Variants in HPS1 observed in about 807,000 individuals in gnomAD.
HPS1 encodes the protein HPS1 biogenesis of lysosomal organelles complex 3 subunit 1, also known as BLOC-3 complex member HPS1.
Under a neutral mutation model 90.6 loss-of-function variants are expected in HPS1, and 59 were observed. The ratio of observed to expected loss-of-function variants is 0.65; its 90% CI spans 0.53 to 0.81. HPS1 has a LOEUF of 0.81. HPS1 is among the 30% of genes least tolerant of loss of function. HPS1 has a pLI of 0.00. For missense variants in HPS1, 849 were observed against 896.7 expected (o/e 0.95, Z 0.68); for synonymous variants, 388 against 384.4 (o/e 1.01, Z -0.11).
chr10:98,439,859 T>G (rs542884595), intron 3 of HPS1, among the ~76,000 whole-genome samples: 47 of 152,324 alleles, frequency 3.1e-4, no homozygotes, highest in Non-Finnish European at 5.7e-4. Context: ...AATCCTCATA[T>G]GTCAACGGAG....
intron 16 of HPS1, among the ~76,000 whole-genome samples, chr10:98,423,250 G>A (rs948194215): frequency 2.0e-5 from 3 of 150,900 alleles, no homozygotes; most frequent in East Asian, 2.0e-4. Flanking sequence ...GAAGGACAAC[G>A]GCCCTTTCAA....
rs757168241 is a variant in HPS1 at position 98,429,819 on chromosome 10, C to T, written c.839G>A (p.Gly280Asp). ...VQQAWSPHST[G>D]PTGGSSAETE... ...CTCTGCAGAGCTCCCCCCAGTTGGG[C>T]CCGTGGAGTGAGGGCTCCAGGCCTG... The change falls in exon 9 of 20, where the codon GGC becomes GAC. Residue 280 changes from glycine to aspartate, a missense_variant. Coordinates refer to ENST00000361490, the MANE Select transcript of HPS1 (RefSeq NM_000195.5). 6.2e-7 allele frequency: 1 copy of T among 1,613,652 alleles called. No homozygotes were observed. Among genetic ancestry groups the T allele is most frequent in the African/African-American group, 1.3e-5 (1 of 74,950 alleles).
chr10:98,422,935 G>T (rs1015324790), intron 16 of HPS1, among the ~76,000 whole-genome samples: 1 of 152,214 alleles, frequency 6.6e-6, no homozygotes, highest in Non-Finnish European at 1.5e-5. Context: ...AGTTTGGAAG[G>T]CTCCCATTTG....
chr10:98,417,626 C>A lies in HPS1; in HGVS notation c.2041G>T (p.Val681Leu). ...CGGGCCAGCTGGCCGGCCTGCTGCACCAGCAGGTCAGTGGGGATGACAGAC... is the reference window on the plus strand; with the variant it reads ...CGGGCCAGCTGGCCGGCCTGCTGCAACAGCAGGTCAGTGGGGATGACAGAC... ...HLSVIPTDLL[V>L]QQAGQLARRL... Residue 681 changes from valine (V) to leucine (L), a missense_variant, in exon 20 of 20, where the codon GTG (valine) becomes TTG (leucine). Val to Leu is a conservative substitution (Grantham distance 32). Coordinates refer to ENST00000361490, the MANE Select transcript of HPS1 (RefSeq NM_000195.5). The surrounding 1 kb of genome is among the most constrained non-coding windows in gnomAD (Gnocchi z 4.2). 1.2e-6 allele frequency: 2 copies of A among 1,613,310 alleles called. No homozygotes were observed. Among genetic ancestry groups the A allele is most frequent in the South Asian group, 2.2e-5 (2 of 91,064 alleles).
chr10:98,423,249 C>G (rs554674051), intron 16 of HPS1, among the ~76,000 whole-genome samples: 24 of 151,776 alleles, frequency 1.6e-4, no homozygotes, highest in Admixed American at 1.3e-3. Context: ...AGAAGGACAA[C>G]GGCCCTTTCA....
downstream of HPS1, chr10:98,414,929 C>G: frequency 5.2e-6 from 8 of 1,533,756 alleles, no homozygotes; most frequent in East Asian, 2.3e-5. Context: ...GCTTGGCTCC[C>G]CCTCCCCCTC....
At position 98,422,404 on chromosome 10, in the gene HPS1, C is replaced by T; in HGVS notation, c.1708G>A (p.Gly570Ser). The change falls in exon 17 of 20, where the codon GGC becomes AGC. Residue 570 changes from glycine to serine, a missense_variant. Gly to Ser is a moderately conservative substitution (Grantham distance 56, BLOSUM62 0). Transcript: ENST00000361490. ...ACAAAGGCAGCCAGCGGCCCCTTGC[C>T]CAACTCCGACGAGGTCTTTTGACTG... ...NCSQKTSSEL[G>S]KGPLAAFVKT... The T allele has an allele frequency of 2.5e-6, 4 of 1,614,206 alleles. No homozygotes were observed. The highest frequency in any genetic ancestry group is 2.5e-6 in the Non-Finnish European group (3 of 1,180,040).
intron 8 of HPS1, 24 bp downstream of exon 8, chr10:98,430,547 C>T: frequency 6.5e-7 from 1 of 1,542,878 alleles, no homozygotes; most frequent in Admixed American, 2.0e-5. Flanking sequence ...TGGCCTCCCT[C>T]TGCCCAGAAA....
Position 98,427,372 on chromosome 10 carries a change from G to C in HPS1, c.938-108C>G, listed in dbSNP as rs1845753902. 5.5e-6 allele frequency: 5 copies of C among 909,426 alleles called. No homozygotes were observed. The Admixed American group carries it at 1.0e-4, about 19-fold the overall frequency. 56.3% of individuals were successfully genotyped at this position (909,426 alleles called of 1,614,324 possible). A position where few individuals can be genotyped will look rare whatever the true frequency, so the allele number is the denominator to read the frequency against. ...GGTGCCCCCCACAACCTCAGCCCTTGGCTGCCAGCTCCACGCAGGGGTGCT... is the reference window on the plus strand; with the variant it reads ...GGTGCCCCCCACAACCTCAGCCCTTCGCTGCCAGCTCCACGCAGGGGTGCT... On this transcript the variant is annotated intron_variant, in intron 10 of 19. Coordinates refer to ENST00000361490, the MANE Select transcript of HPS1 (RefSeq NM_000195.5).
At chr10:98,429,528 C>T (rs768431126) in intron 10 of HPS1, 45 bp downstream of exon 10, 3 of 1,614,018 alleles carry the variant, frequency 1.9e-6, no homozygotes, top group Non-Finnish European at 2.5e-6. Flanking sequence ...CTGCCTGTCG[C>T]TCGCAGCTAG....
intron 5 of HPS1, among the ~76,000 whole-genome samples, chr10:98,434,927 G>C (rs200878613): frequency 6.6e-6 from 1 of 152,126 alleles, no homozygotes; most frequent in African/African-American, 2.4e-5. Context: ...AAGCCAGAGA[G>C]GACTAGCTCA....
Position 98,417,332 on chromosome 10 carries a change from A to G in HPS1, c.*232T>C. 5 of 486,946 alleles carry G rather than the reference A, an allele frequency of 1.0e-5. No individual in the cohort carries two copies. The South Asian group carries it at 1.3e-4, about 13-fold the overall frequency. 30.2% of individuals were successfully genotyped at this position (486,946 alleles called of 1,614,324 possible). ...GAGCTGTTGCCACCGTTGTTTTACA[A>G]ACAGGACCCCTGGGCTTCCCTCTTC... On this transcript the variant is annotated 3_prime_UTR_variant, in exon 20 of 20. Coordinates refer to ENST00000361490, the MANE Select transcript of HPS1 (RefSeq NM_000195.5). This position sits in a 1 kb window ranked among gnomAD's most constrained non-coding sequence, Gnocchi z 4.2.
chr10:98,433,766 A>C (rs2136236085), intron 6 of HPS1, among the ~76,000 whole-genome samples: 1 of 152,362 alleles, frequency 6.6e-6, no homozygotes, highest in Non-Finnish European at 1.5e-5. Flanking sequence ...TTGCATTAAA[A>C]GTATGTGTTA....
At position 98,425,863 on chromosome 10, in the gene HPS1, G is replaced by A. The variant is rs1395689468; in HGVS notation, c.1110C>T (p.Tyr370=). The A allele has an allele frequency of 3.1e-6, 5 of 1,614,018 alleles. No individual in the cohort carries two copies. The highest frequency in any genetic ancestry group is 4.2e-6 in the Non-Finnish European group (5 of 1,180,016). Residue 370 remains tyrosine, a synonymous_variant, in exon 12 of 20, where the codon TAC becomes TAT. Transcript: ENST00000361490. ...SYCPLVPHTM[Y]CLPLWQGINL... is the part of the protein sequence containing the mutation. ...TGATGCCCTGCCACAGGGGCAGGCA[G>A]TACATGGTGTGGGGCACTAGGGGGC...
At chr10:98,428,724 A>G (rs550595945) in intron 10 of HPS1, among the ~76,000 whole-genome samples, 1 of 148,362 alleles carries the variant, frequency 6.7e-6, no homozygotes, top group East Asian at 2.0e-4. Context: ...TTACCTAAGA[A>G]CTTCAGAAAT....
chr10:98,429,541 A>G (rs766439953), intron 10 of HPS1, 32 bp downstream of exon 10: 4 of 1,613,910 alleles, frequency 2.5e-6, no homozygotes, highest in Admixed American at 3.3e-5. Context: ...GCAGCTAGCT[A>G]TTGTTTCCTC....
chr10:98,437,405 G>A (rs1419006286), intron 3 of HPS1, among the ~76,000 whole-genome samples: 1 of 152,186 alleles, frequency 6.6e-6, no homozygotes, highest in Non-Finnish European at 1.5e-5. Context: ...GAAACTCATC[G>A]TAAAAGCAGT....
At chr10:98,437,823 C>T (rs1416632338) in intron 3 of HPS1, among the ~76,000 whole-genome samples, 1 of 152,164 alleles carries the variant, frequency 6.6e-6, no homozygotes, top group African/African-American at 2.4e-5. Flanking sequence ...AGCTTTGTGT[C>T]CCCATCAAAT....
intron 17 of HPS1, among the ~76,000 whole-genome samples, chr10:98,420,605 A>G (rs1461423196): frequency 6.6e-6 from 1 of 152,030 alleles, no homozygotes; most frequent in Non-Finnish European, 1.5e-5. Context: ...AGTCCCAGCT[A>G]TTTGGGGGGC....
Sources: allele counts gnomAD v4.1 joint callset (sites outside exome capture counted in the v4.1 genomes callset), GRCh38; gene constraint gnomAD v4.1.1; non-coding constraint Gnocchi (gnomAD v3.1); transcripts MANE v1.5; gene names NCBI Gene and HGNC (gene_info 2026-07-23, HGNC 2026-07-21).